Variants in BPTF observed in about 807,000 individuals in gnomAD.
BPTF encodes nucleosome-remodeling factor subunit BPTF.
A neutral mutation model predicts 292.5 loss-of-function variants in BPTF; 18 were observed. That is an observed-to-expected ratio of 0.06 (90% CI 0.04 to 0.09). The LOEUF (loss-of-function observed/expected upper bound fraction) is 0.09, where lower values mean the gene tolerates loss of function less well. BPTF is among the 10% of genes least tolerant of loss of function. The pLI is 1.00. For missense variants in BPTF, 2,726 were observed against 3,498.7 expected (o/e 0.78, Z 5.57); for synonymous variants, 1,225 against 1,251.9 (o/e 0.98, Z 0.45).
chr17:67,959,515 C>G, intron 23 of BPTF, 26 bp from the exon 24 acceptor site: 1 of 1,493,848 alleles, frequency 6.7e-7, no homozygotes, highest in Non-Finnish European at 8.9e-7. Flanking sequence ...TAATGATAGT[C>G]TTGTATTGTC....
intron 4 of BPTF, among the ~76,000 whole-genome samples, chr17:67,888,534 G>A (rs2060889382): frequency 7.0e-6 from 1 of 143,216 alleles, no homozygotes; most frequent in African/African-American, 2.6e-5. Flanking sequence ...AGGTTGCAGT[G>A]AGCCGAGATC....
At chr17:67,832,346 A>G (rs1190466700) in intron 1 of BPTF, among the ~76,000 whole-genome samples, 1 of 151,820 alleles carries the variant, frequency 6.6e-6, no homozygotes, top group Non-Finnish European at 1.5e-5. Context: ...AAATATAATT[A>G]TAATGTTTTA....
chr17:67,850,226 A>T (rs1474792792), intron 1 of BPTF, among the ~76,000 whole-genome samples: 1 of 152,234 alleles, frequency 6.6e-6, no homozygotes, highest in East Asian at 1.9e-4. Context: ...CAAACTTAAA[A>T]AATCCCTGTC....
chr17:67,845,647 G>A (rs1255526338), intron 1 of BPTF, among the ~76,000 whole-genome samples: 5 of 151,944 alleles, frequency 3.3e-5, no homozygotes, highest in Non-Finnish European at 7.4e-5. Context: ...GGTGGTGCAT[G>A]TCTTTTGTCC....
chr17:67,982,865 A>G lies in BPTF; in HGVS notation c.*577A>G, dbSNP rs1381207583. 1.3e-5 allele frequency: 2 copies of G among 152,692 alleles called. No homozygotes were observed. Among genetic ancestry groups the G allele is most frequent in the African/African-American group, 4.8e-5 (2 of 41,444 alleles). The allele number at this position is 152,692 out of a possible 1,614,324, so 9.5% of individuals were successfully genotyped here. Reference sequence around the variant, plus strand: ...CTATGAAAGGAGCTGCTATGTACACATGTGCACACACACACAACTGGGAAT... The same window carrying G: ...CTATGAAAGGAGCTGCTATGTACACGTGTGCACACACACACAACTGGGAAT... On this transcript the variant is annotated 3_prime_UTR_variant, in exon 28 of 28. Coordinates refer to ENST00000306378, the MANE Select transcript of BPTF (RefSeq NM_182641.4).
intron 4 of BPTF, among the ~76,000 whole-genome samples, chr17:67,877,020 TGAGTA>T (rs374492803): frequency 1.2e-4 from 19 of 152,200 alleles, no homozygotes; most frequent in African/African-American, 4.1e-4. Flanking sequence ...GTTCTCTTCT[TGAGTA>T]GAGTAAAAAA....
intron 2 of BPTF, 21 bp from the exon 3 acceptor site, chr17:67,866,443 T>C: frequency 6.5e-7 from 1 of 1,535,706 alleles, no homozygotes; most frequent in Non-Finnish European, 9.0e-7. Context: ...ATATAAAGTA[T>C]TTCCCCCCAT....
chr17:67,849,741 C>T (rs2058268884), intron 1 of BPTF, among the ~76,000 whole-genome samples: 1 of 151,842 alleles, frequency 6.6e-6, no homozygotes, highest in Non-Finnish European at 1.5e-5. Flanking sequence ...GGTTTGAGAC[C>T]AGCCTGGCCA....
rs547808698 is a variant in BPTF, at chr17:67,953,079, A to G, written c.7926+4773A>G. Among the ~76,000 whole-genome samples the G allele has an allele frequency of 5.3e-4, 79 of 150,308 alleles. 1 individual carries two copies. In the East Asian group the frequency reaches 5.8e-3, roughly 11 times the overall value. ...CGGGTTCACGCCAGTCTCCTGCCTCAGCTTCCCGAGTAGCTGGGACTACAG... is the reference window on the plus strand; with the variant it reads ...CGGGTTCACGCCAGTCTCCTGCCTCGGCTTCCCGAGTAGCTGGGACTACAG... On this transcript the variant is annotated intron_variant, in intron 23 of 27. Transcript: ENST00000306378.
At position 67,874,937 on chromosome 17, in the gene BPTF, GAGA is replaced by G. The variant is rs1555628859; in HGVS notation, c.1786_1788del (p.Glu596del). 6.2e-6 allele frequency: 10 copies of G among 1,613,870 alleles called. No individual in the cohort carries two copies. Among genetic ancestry groups the G allele is most frequent in the Non-Finnish European group, 8.5e-6 (10 of 1,179,916 alleles). ...GACTCTAAAGATGCTGAGAAAAACA[GAGA>G]AGAATTTGAAGACCAGTCCCTTGAA... On this transcript the variant is annotated inframe_deletion, in exon 4 of 28. Coordinates refer to ENST00000306378, the MANE Select transcript of BPTF (RefSeq NM_182641.4).
At chr17:67,959,412 C>A in intron 23 of BPTF, 129 bp from the exon 24 acceptor site, 1 of 667,570 alleles carries the variant, frequency 1.5e-6, no homozygotes, top group Non-Finnish European at 2.3e-6. Flanking sequence ...TTGCAACTAA[C>A]TAAAACTCTC....
chr17:67,976,730 G>A (rs12944942), intron 27 of BPTF, among the ~76,000 whole-genome samples: 141,046 of 144,156 alleles, frequency 0.98, 69,083 homozygotes, highest in East Asian at 1. Context: ...AATAAAAGAA[G>A]AATTTCCTGA....
chr17:67,892,692 T>G (rs142206218), intron 5 of BPTF, among the ~76,000 whole-genome samples: 1 of 152,242 alleles, frequency 6.6e-6, no homozygotes, highest in Non-Finnish European at 1.5e-5. Flanking sequence ...TCTTTTTGAC[T>G]CTGACCCTCA....
intron 4 of BPTF, among the ~76,000 whole-genome samples, chr17:67,879,204 C>T (rs896291011): frequency 4.1e-5 from 6 of 145,546 alleles, no homozygotes; most frequent in South Asian, 2.2e-4. Context: ...TACAGTGGTG[C>T]GATCTCGGCT....
intron 26 of BPTF, among the ~76,000 whole-genome samples, chr17:67,969,789 C>A (rs1044733288): frequency 2.6e-5 from 4 of 151,886 alleles, no homozygotes; most frequent in African/African-American, 9.7e-5. Flanking sequence ...ATAGTGAGAT[C>A]CTGTCTTTAC....
At chr17:67,875,051 T>C (rs1358043948) in intron 4 of BPTF, 31 bp downstream of exon 4, 1 of 1,557,354 alleles carries the variant, frequency 6.4e-7, no homozygotes, top group Non-Finnish European at 8.8e-7. Flanking sequence ...AAAAGAAATA[T>C]TTCATTAGTG....
rs1401186189 is a variant in BPTF at position 67,911,722 on chromosome 17, G to C, written c.3838G>C (p.Gly1280Arg). The C allele has an allele frequency of 1.2e-6, 2 of 1,613,994 alleles. No homozygotes were observed. Among genetic ancestry groups the C allele is most frequent in the African/African-American group, 2.7e-5 (2 of 74,894 alleles). The stretch of plus-strand genomic sequence containing the variant: ...AGCAATGGACTTTGAAGGAAAACTG[G>C]GATGTGACTCTGAATCTAATAGCAC... ...SRAMDFEGKL[G>R]CDSESNSTLE... The change falls in exon 11 of 28, where the codon GGA becomes CGA. Residue 1280 changes from glycine (G) to arginine (R), a missense_variant. Physicochemically the swap from Gly to Arg is moderately radical, Grantham distance 125. Coordinates refer to ENST00000306378, the MANE Select transcript of BPTF (RefSeq NM_182641.4).
chr17:67,939,164 A>G (rs1178544183), intron 18 of BPTF, among the ~76,000 whole-genome samples: 1 of 152,206 alleles, frequency 6.6e-6, no homozygotes, highest in Non-Finnish European at 1.5e-5. Flanking sequence ...AGCACCCAAA[A>G]ATGGATAAGC....
In BPTF at chr17:67,984,173, G is replaced by A. The variant is rs11656743; in HGVS notation, c.*1885G>A. ...ATAAAATTATTCTGCATCTCATCACGTCACAGTATTTCTGTACTATTTATT... is the reference window on the plus strand; with the variant it reads ...ATAAAATTATTCTGCATCTCATCACATCACAGTATTTCTGTACTATTTATT... On this transcript the variant is annotated 3_prime_UTR_variant, in exon 28 of 28. Coordinates refer to ENST00000306378, the MANE Select transcript of BPTF (RefSeq NM_182641.4). The A allele has an allele frequency of 0.64, 98,109 of 152,396 alleles. 34,186 individuals are homozygous for A. The highest frequency in any genetic ancestry group is 0.78 in the Non-Finnish European group (53,216 of 67,978). 9.4% of individuals were successfully genotyped at this position (152,396 alleles called of 1,614,324 possible).
Sources: gnomAD v4.1 joint callset for allele counts (sites outside exome capture counted in the v4.1 genomes callset) on GRCh38, gnomAD v4.1.1 for gene constraint, MANE v1.5 for transcripts, NCBI Gene and HGNC (gene_info 2026-07-23, HGNC 2026-07-21) for gene names.